The following PRELID3A variants were observed in gnomAD, a reference collection of about 807,000 sequenced individuals.
PRELID3A encodes the protein PRELI domain containing protein 3A.
A neutral mutation model predicts 23.0 loss-of-function variants in PRELID3A; 27 were observed. That is an observed-to-expected ratio of 1.17 (90% CI 0.87 to 1.62). The LOEUF (loss-of-function observed/expected upper bound fraction) is 1.62, where lower values mean the gene tolerates loss of function less well. PRELID3A is among the 40% of genes most tolerant of loss of function. PRELID3A has a pLI of 0.00. For synonymous variants in PRELID3A, 87 were observed against 86.4 expected, an observed-to-expected ratio of 1.01 and a Z score of -0.04; for missense variants, 231 against 231.4, an observed-to-expected ratio of 1.00 and a Z score of 0.01.
At chr18:12,428,361 C>G (rs2030444534) in intron 5 of PRELID3A, among the ~76,000 whole-genome samples, 1 of 152,220 alleles carries the variant, frequency 6.6e-6, no homozygotes, top group South Asian at 2.1e-4. Context: ...CTTTGCTTTT[C>G]ACCTGGGCCC....
intron 2 of PRELID3A, among the ~76,000 whole-genome samples, 159 bp downstream of exon 2, chr18:12,420,652 CGGGGTG>C (rs1568163364): frequency 9.5e-6 from 1 of 104,714 alleles, no homozygotes; most frequent in African/African-American, 3.5e-5. Flanking sequence ...TCAGGGGGCG[CGGGGTG>C]GGGGTGGCGG....
At chr18:12,426,563 A>AAAAAAAAAAAAG (rs67993774) in intron 3 of PRELID3A, among the ~76,000 whole-genome samples, 5 of 87,706 alleles carry the variant, frequency 5.7e-5, no homozygotes, top group South Asian at 4.9e-4. Flanking sequence ...CAAAAAAAAA[A>AAAAAAAAAAAAG]AAAGTATAAA....
intron 1 of PRELID3A, among the ~76,000 whole-genome samples, chr18:12,414,335 A>C (rs564725693): frequency 6.6e-6 from 1 of 152,224 alleles, no homozygotes; most frequent in Non-Finnish European, 1.5e-5. Context: ...TGCGGTGACC[A>C]CATGCAATTT....
chr18:12,416,843 C>T (rs1030730978), intron 1 of PRELID3A, among the ~76,000 whole-genome samples: 2 of 151,954 alleles, frequency 1.3e-5, no homozygotes, highest in Admixed American at 1.3e-4. Flanking sequence ...GTCGGGGTTT[C>T]ACCGTGTTAG....
intron 3 of PRELID3A, among the ~76,000 whole-genome samples, chr18:12,424,973 T>C (rs1274770987): frequency 6.6e-6 from 1 of 151,890 alleles, no homozygotes; most frequent in South Asian, 2.1e-4. Context: ...CAAAACCCCA[T>C]CTCTACTAAA....
At position 12,407,999 on chromosome 18, in the gene PRELID3A, C is replaced by T. The variant is rs1026201006; in HGVS notation, c.24C>T (p.His8=). 1.2e-5 allele frequency: 15 copies of T among 1,292,908 alleles called. No homozygotes were observed. Among genetic ancestry groups the T allele is most frequent in the Middle Eastern group, 2.9e-4 (1 of 3,414 alleles). 80.1% of individuals were successfully genotyped at this position (1,292,908 alleles called of 1,614,324 possible). A position where few individuals can be genotyped will look rare whatever the true frequency, so the allele number is the denominator to read the frequency against. ...CAATGAAGATCTGGAGCTCGGAGCA[C>T]GTGTTTGGGTGAGGCCGGGCTGAGG... MKIWSSE[H]VFGHPWDTVI... is the part of the protein sequence containing the mutation. The change falls in exon 1 of 7, where the codon CAC becomes CAT. Residue 8 remains histidine (H), a synonymous_variant. Coordinates refer to ENST00000440960, the MANE Select transcript of PRELID3A (RefSeq NM_001142405.2).
chr18:12,429,232 G>A (rs761140210), intron 5 of PRELID3A, 118 bp from the exon 6 acceptor site: 47 of 797,300 alleles, frequency 5.9e-5, no homozygotes, highest in Non-Finnish European at 9.1e-5. Flanking sequence ...GGTCACTGCT[G>A]TGTCTCCTTG....
chr18:12,415,969 T>C (rs2029937816), intron 1 of PRELID3A, among the ~76,000 whole-genome samples: 1 of 152,206 alleles, frequency 6.6e-6, no homozygotes, highest in South Asian at 2.1e-4. Flanking sequence ...CCCAGAGGTC[T>C]CCACGAACAG....
At position 12,427,272 on chromosome 18, in the gene PRELID3A, T is replaced by C; in HGVS notation, c.414T>C (p.Gly138=). 1 of 1,614,152 alleles carries C rather than the reference T, an allele frequency of 6.2e-7. No individual in the cohort carries two copies. The highest frequency in any genetic ancestry group is 8.5e-7 in the Non-Finnish European group (1 of 1,180,010). ...TCACTGTGAAGGGGATTAGCCTTGGTAGTTATTTGGAAAGTTTAATGGCCA... is the reference window on the plus strand; with the variant it reads ...TCACTGTGAAGGGGATTAGCCTTGGCAGTTATTTGGAAAGTTTAATGGCCA... The part of the protein sequence containing the change: ...AIITVKGISL[G]SYLESLMANT... The change falls in exon 5 of 7, where the codon GGT becomes GGC. Residue 138 remains glycine (G), a synonymous_variant. Transcript: ENST00000440960.
intron 1 of PRELID3A, among the ~76,000 whole-genome samples, chr18:12,416,129 T>G (rs975494986): frequency 1.3e-5 from 2 of 152,220 alleles, no homozygotes; most frequent in African/African-American, 4.8e-5. Flanking sequence ...GGTGTCCATT[T>G]TCAGCTTCTC....
chr18:12,408,027 C>T lies in PRELID3A; in HGVS notation c.32+20C>T, dbSNP rs915784911. The T allele has an allele frequency of 9.5e-6, 12 of 1,258,180 alleles. No individual in the cohort carries two copies. The highest frequency in any genetic ancestry group is 1.0e-5 in the Non-Finnish European group (10 of 1,001,178). 77.9% of individuals were successfully genotyped at this position (1,258,180 alleles called of 1,614,324 possible). A position where few individuals can be genotyped will look rare whatever the true frequency, so the allele number is the denominator to read the frequency against. On this transcript the variant is annotated intron_variant, in intron 1 of 6. Transcript: ENST00000440960. Reference sequence around the variant, plus strand: ...GTTTGGGTGAGGCCGGGCTGAGGGCCGCGGTGGGGCCGTCCAGACGCCGGC... The same window carrying T: ...GTTTGGGTGAGGCCGGGCTGAGGGCTGCGGTGGGGCCGTCCAGACGCCGGC...
chr18:12,427,703 TA>T (rs2030427368), intron 5 of PRELID3A, among the ~76,000 whole-genome samples: 1 of 149,720 alleles, frequency 6.7e-6, no homozygotes, highest in South Asian at 2.1e-4. Context: ...AAAAAAAAAA[TA>T]AAAATAAAAA....
At chr18:12,430,163 C>T (rs1017165225) in intron 6 of PRELID3A, among the ~76,000 whole-genome samples, 2 of 152,214 alleles carry the variant, frequency 1.3e-5, no homozygotes, top group East Asian at 1.9e-4. Context: ...ACACTTTGCT[C>T]TCCTTGAACC....
At position 12,431,947 on chromosome 18, in the gene PRELID3A, T is replaced by C. The variant is rs576205520; in HGVS notation, c.*831T>C. 4.6e-5 allele frequency: 7 copies of C among 152,336 alleles called. No individual in the cohort carries two copies. The highest frequency in any genetic ancestry group is 7.3e-5 in the Non-Finnish European group (5 of 68,038). 9.4% of individuals were successfully genotyped at this position (152,336 alleles called of 1,614,324 possible). A position where few individuals can be genotyped will look rare whatever the true frequency, so the allele number is the denominator to read the frequency against. The stretch of plus-strand genomic sequence containing the variant: ...GTTTGAGTTCCTGTTTTTCGCCTTA[T>C]AGTTTTGTGAGTGTTTGAGGGACAA... On this transcript the variant is annotated 3_prime_UTR_variant, in exon 7 of 7. Coordinates refer to ENST00000440960, the MANE Select transcript of PRELID3A (RefSeq NM_001142405.2).
intron 1 of PRELID3A, among the ~76,000 whole-genome samples, chr18:12,418,012 C>T (rs1193952647): frequency 3.3e-5 from 5 of 152,192 alleles, no homozygotes; most frequent in Non-Finnish European, 7.3e-5. Context: ...GCTGCGAGAC[C>T]TGGTTCTCAT....
At chr18:12,416,880 C>G (rs1031830574) in intron 1 of PRELID3A, among the ~76,000 whole-genome samples, 5 of 151,970 alleles carry the variant, frequency 3.3e-5, no homozygotes, top group African/African-American at 1.2e-4. Flanking sequence ...CTCCTGACCT[C>G]GCGATCCACC....
At chr18:12,408,173 C>T (rs1006503564) in intron 1 of PRELID3A, among the ~76,000 whole-genome samples, 166 bp downstream of exon 1, 4 of 151,968 alleles carry the variant, frequency 2.6e-5, no homozygotes, top group African/African-American at 9.7e-5. Flanking sequence ...CCGGAGAGGG[C>T]ACGCGCGCTT....
At chr18:12,422,034 G>A (rs1293641314) in intron 3 of PRELID3A, among the ~76,000 whole-genome samples, 1 of 151,486 alleles carries the variant, frequency 6.6e-6, no homozygotes, top group East Asian at 2.0e-4. Flanking sequence ...CGCACTCCTG[G>A]GCTCAAGTGA....
chr18:12,425,128 C>G (rs544845554), intron 3 of PRELID3A, among the ~76,000 whole-genome samples: 19 of 143,008 alleles, frequency 1.3e-4, no homozygotes, highest in African/African-American at 4.7e-4. Context: ...GAAACTCCAT[C>G]TGAAAAAAAA....
Sources: gnomAD v4.1 joint callset for allele counts (sites outside exome capture counted in the v4.1 genomes callset) on GRCh38, gnomAD v4.1.1 for gene constraint, MANE v1.5 for transcripts, NCBI Gene and HGNC (gene_info 2026-07-23, HGNC 2026-07-21) for gene names.